Variants in GPM6A observed in about 807,000 individuals in gnomAD.
GPM6A encodes the protein neuronal membrane glycoprotein M6-a.
Under a neutral mutation model 32.1 loss-of-function variants are expected in GPM6A, and 7 were observed. That is an observed-to-expected ratio of 0.22 (90% confidence interval 0.12 to 0.41). The LOEUF is 0.41. Among genes scored for constraint, GPM6A ranks in the 10% least tolerant of loss-of-function variants. The pLI is 1.00. For missense variants in GPM6A, 235 were observed against 347.2 expected (o/e 0.68, Z 2.57); for synonymous variants, 130 against 123.4 (o/e 1.05, Z -0.35).
chr4:175,975,901 AT>A (rs1399253300), intron 1 of GPM6A, among the ~76,000 whole-genome samples: 1 of 152,120 alleles, frequency 6.6e-6, no homozygotes, highest in Non-Finnish European at 1.5e-5. Context: ...AATGATTTTC[AT>A]CTGCTTATAC....
At chr4:175,713,268 T>G (rs1158612392) in intron 1 of GPM6A, among the ~76,000 whole-genome samples, 1 of 152,170 alleles carries the variant, frequency 6.6e-6, no homozygotes. Context: ...GATGGCAGGA[T>G]CTTGGCTCAC....
At chr4:175,691,549 A>C (rs1440242778) in intron 2 of GPM6A, among the ~76,000 whole-genome samples, 6 of 152,206 alleles carry the variant, frequency 3.9e-5, no homozygotes, top group Non-Finnish European at 8.8e-5. Flanking sequence ...ACTTCCTTTT[A>C]AATCAATATA....
chr4:175,939,206 C>A (rs922763727), intron 1 of GPM6A, among the ~76,000 whole-genome samples: 1 of 152,150 alleles, frequency 6.6e-6, no homozygotes, highest in Admixed American at 6.5e-5. Flanking sequence ...AAGGAAGACC[C>A]AGTATTGTTC....
intron 1 of GPM6A, among the ~76,000 whole-genome samples, chr4:175,914,739 A>AGG (rs143300461): frequency 2.6e-5 from 4 of 152,078 alleles, no homozygotes; most frequent in African/African-American, 4.8e-5. Context: ...TGTCAGAGCG[A>AGG]GGGGGGGCCA....
intron 1 of GPM6A, among the ~76,000 whole-genome samples, chr4:175,986,185 C>T (rs1378966167): frequency 6.6e-6 from 1 of 152,070 alleles, no homozygotes; most frequent in Non-Finnish European, 1.5e-5. Flanking sequence ...AATGAAATTT[C>T]AGCTCTTTAA....
At chr4:175,935,299 T>C (rs1220944438) in intron 1 of GPM6A, among the ~76,000 whole-genome samples, 1 of 152,162 alleles carries the variant, frequency 6.6e-6, no homozygotes, top group Non-Finnish European at 1.5e-5. Context: ...TTAGACCCAT[T>C]GAATTTGGTT....
intron 1 of GPM6A, among the ~76,000 whole-genome samples, chr4:175,748,345 G>C (rs1387661107): frequency 6.6e-6 from 1 of 152,170 alleles, no homozygotes; most frequent in Non-Finnish European, 1.5e-5. Context: ...CTTACAAAAT[G>C]TATTTCTTAA....
At chr4:175,833,055 G>C (rs1735663056) in intron 1 of GPM6A, among the ~76,000 whole-genome samples, 1 of 152,164 alleles carries the variant, frequency 6.6e-6, no homozygotes, top group Non-Finnish European at 1.5e-5. Flanking sequence ...TTCCATCGAG[G>C]GAAGGAGTGA....
At chr4:175,972,803 T>C (rs1018813888) in intron 1 of GPM6A, among the ~76,000 whole-genome samples, 1 of 152,162 alleles carries the variant, frequency 6.6e-6, no homozygotes, top group Admixed American at 6.5e-5. Flanking sequence ...GAAGGGAAAA[T>C]TAGTTACTGT....
At chr4:175,860,039 G>T (rs1328247334) in intron 1 of GPM6A, among the ~76,000 whole-genome samples, 1 of 151,924 alleles carries the variant, frequency 6.6e-6, no homozygotes, top group Non-Finnish European at 1.5e-5. Context: ...ATGGAATGCA[G>T]GGATAGGAGT....
intron 1 of GPM6A, among the ~76,000 whole-genome samples, chr4:175,802,501 A>T (rs984850446): frequency 6.6e-6 from 1 of 152,068 alleles, no homozygotes; most frequent in Non-Finnish European, 1.5e-5. Context: ...AAATACAAAA[A>T]CTAAAATAAA....
chr4:175,862,692 T>TGCAATGTTC (rs1736609593), intron 1 of GPM6A, among the ~76,000 whole-genome samples: 1 of 152,120 alleles, frequency 6.6e-6, no homozygotes, highest in African/African-American at 2.4e-5. Flanking sequence ...AGTATTACAT[T>TGCAATGTTC]AGCATTCCAT....
At chr4:175,689,821 A>G (rs1388820344) in intron 2 of GPM6A, among the ~76,000 whole-genome samples, 1 of 151,956 alleles carries the variant, frequency 6.6e-6, no homozygotes, top group Non-Finnish European at 1.5e-5. Flanking sequence ...AGAAGCCGCC[A>G]GGTATCTACA....
At chr4:175,900,318 GA>G (rs1737920530) in intron 1 of GPM6A, among the ~76,000 whole-genome samples, 1 of 10,872 alleles carries the variant, frequency 9.2e-5, no homozygotes, top group Admixed American at 1.7e-3. Flanking sequence ...GAAAGGAAAG[GA>G]AAGGAAAGGA....
intron 1 of GPM6A, among the ~76,000 whole-genome samples, chr4:175,792,360 T>G (rs1363919017): frequency 6.6e-6 from 1 of 152,132 alleles, no homozygotes; most frequent in Non-Finnish European, 1.5e-5. Context: ...CAGTGGATAT[T>G]TGGTGTCTAC....
intron 1 of GPM6A, among the ~76,000 whole-genome samples, chr4:175,930,356 C>A (rs2126307036): frequency 6.8e-6 from 1 of 146,654 alleles, no homozygotes; most frequent in East Asian, 2.0e-4. Context: ...GAGACCAGAG[C>A]AACAACGAAA....
intron 1 of GPM6A, among the ~76,000 whole-genome samples, chr4:175,802,681 TATGA>T (rs1281136585): frequency 3.9e-5 from 6 of 152,114 alleles, no homozygotes; most frequent in Non-Finnish European, 8.8e-5. Flanking sequence ...GATCAATACT[TATGA>T]ATGAACACAG....
intron 1 of GPM6A, among the ~76,000 whole-genome samples, chr4:175,998,319 A>C (rs1045248672): frequency 2.0e-5 from 3 of 151,568 alleles, no homozygotes; most frequent in Non-Finnish European, 4.4e-5. Flanking sequence ...ACACCCGGCT[A>C]CTGTTTGTAA....
At chr4:175,864,614 C>T (rs554958759) in intron 1 of GPM6A, among the ~76,000 whole-genome samples, 6 of 152,140 alleles carry the variant, frequency 3.9e-5, no homozygotes, top group Admixed American at 6.5e-5. Flanking sequence ...TTCAAGTGTC[C>T]TTTGAACAGC....
Sources: gnomAD v4.1 joint callset for allele counts (sites outside exome capture counted in the v4.1 genomes callset) on GRCh38, gnomAD v4.1.1 for gene constraint, MANE v1.5 for transcripts, NCBI Gene and HGNC (gene_info 2026-07-23, HGNC 2026-07-21) for gene names.